PDGFD: variants seen among roughly 807,000 people sequenced by gnomAD.
PDGFD encodes the protein platelet derived growth factor D.
In PDGFD, 30 loss-of-function variants were observed where a neutral mutation model predicts 44.7. The observed-to-expected ratio is 0.67, with a 90% confidence interval of 0.50 to 0.91. PDGFD has a LOEUF of 0.91. Ranked by LOEUF, PDGFD falls within the 40% of genes least tolerant of loss-of-function variation. PDGFD has a pLI of 0.00. For synonymous variants in PDGFD, 173 were observed against 168.4 expected (o/e 1.03, Z -0.21); for missense variants, 445 against 457.8 (o/e 0.97, Z 0.25).
rs11382574 is a variant in PDGFD at position 103,991,145 on chromosome 11, G to GAA, written c.510+4918_510+4919dup. 3.5e-5 allele frequency among the ~76,000 whole-genome samples: 5 copies of GAA among 142,138 alleles called. 1 individual carries two copies. Among genetic ancestry groups the GAA allele is most frequent in the African/African-American group, 1.3e-4 (5 of 39,376 alleles). 93.2% of individuals were successfully genotyped at this position (142,138 alleles called of 152,430 possible). The stretch of plus-strand genomic sequence containing the variant: ...CAGAAAGAGACTCCAACTCAAAAAA[G>GAA]AAAAAAAAAAAAATTCAGCTTAGGA... On this transcript the variant is annotated intron_variant, in intron 3 of 6. Transcript: ENST00000393158.
intron 6 of PDGFD, 92 bp downstream of exon 6, chr11:103,926,820 C>T: frequency 7.6e-7 from 1 of 1,323,576 alleles, no homozygotes; most frequent in Non-Finnish European, 1.0e-6. Flanking sequence ...TGCCCTTGTG[C>T]AGTGAACAAC....
At chr11:104,057,466 C>G (rs1437562215) in intron 1 of PDGFD, among the ~76,000 whole-genome samples, 1 of 143,120 alleles carries the variant, frequency 7.0e-6, no homozygotes, top group Non-Finnish European at 1.5e-5. Flanking sequence ...GAAGTGGGAG[C>G]TAAACACTGG....
chr11:104,137,771 G>A (rs1018895885), intron 1 of PDGFD, among the ~76,000 whole-genome samples: 1 of 120,076 alleles, frequency 8.3e-6, no homozygotes, highest in Non-Finnish European at 1.6e-5. Flanking sequence ...TAACCTACTG[G>A]ATATCTGGAT....
At chr11:104,049,660 G>A (rs1438260535) in intron 1 of PDGFD, among the ~76,000 whole-genome samples, 1 of 152,014 alleles carries the variant, frequency 6.6e-6, no homozygotes, top group Non-Finnish European at 1.5e-5. Context: ...CTACAAAGAA[G>A]CCCAAGAAAG....
At chr11:104,076,186 T>C (rs933291710) in intron 1 of PDGFD, among the ~76,000 whole-genome samples, 10 of 152,142 alleles carry the variant, frequency 6.6e-5, no homozygotes, top group African/African-American at 2.2e-4. Context: ...CATTCCACCA[T>C]GATTATGTTT....
At chr11:104,082,416 GA>G (rs1448245063) in intron 1 of PDGFD, among the ~76,000 whole-genome samples, 3 of 151,956 alleles carry the variant, frequency 2.0e-5, no homozygotes, top group East Asian at 3.9e-4. Flanking sequence ...CTACAAGAAA[GA>G]TACCATTTTC....
At chr11:103,969,479 T>G (rs1859069889) in intron 3 of PDGFD, among the ~76,000 whole-genome samples, 1 of 147,274 alleles carries the variant, frequency 6.8e-6, no homozygotes, top group Admixed American at 6.8e-5. Context: ...GCCTGGTTTT[T>G]TTTTTTTTTT....
chr11:103,941,276 C>T (rs1220783105), intron 5 of PDGFD, among the ~76,000 whole-genome samples: 1 of 151,964 alleles, frequency 6.6e-6, no homozygotes, highest in Non-Finnish European at 1.5e-5. Flanking sequence ...GAGTGGAGAA[C>T]CATAGGAGGT....
rs1448562815 is a variant in PDGFD at position 103,947,619 on chromosome 11, C to T, written c.573+43G>A. The T allele has an allele frequency of 2.0e-6, 3 of 1,510,208 alleles. No individual in the cohort carries two copies. The African/African-American group carries it at 4.1e-5, about 21-fold the overall frequency. 93.6% of individuals were successfully genotyped at this position (1,510,208 alleles called of 1,614,324 possible). A position where few individuals can be genotyped will look rare whatever the true frequency, so the allele number is the denominator to read the frequency against. ...CCTTTTGGGGTTGACCTTAGCTGTT[C>T]CATCCGTTTCTTTTGCTGGCAACAG... On this transcript the variant is annotated intron_variant, in intron 4 of 6. Transcript: ENST00000393158.
chr11:103,955,199 A>C (rs1401649879), intron 3 of PDGFD, among the ~76,000 whole-genome samples: 7 of 132,842 alleles, frequency 5.3e-5, no homozygotes, highest in African/African-American at 2.1e-4. Flanking sequence ...AAAAAAAAAA[A>C]AAAAAAAAAA....
intron 1 of PDGFD, among the ~76,000 whole-genome samples, chr11:104,156,363 G>GATAAA (rs925754392): frequency 1.3e-5 from 2 of 151,788 alleles, no homozygotes; most frequent in Admixed American, 6.6e-5. Flanking sequence ...TCAAAAAATA[G>GATAAA]ATAAAATAAA....
intron 3 of PDGFD, among the ~76,000 whole-genome samples, chr11:103,975,348 T>C (rs1859168204): frequency 6.6e-6 from 1 of 152,188 alleles, no homozygotes; most frequent in South Asian, 2.1e-4. Context: ...TTTGTTTTTT[T>C]CCTTGTAAAT....
At chr11:104,056,703 A>G (rs111343579) in intron 1 of PDGFD, among the ~76,000 whole-genome samples, 17 of 152,366 alleles carry the variant, frequency 1.1e-4, no homozygotes, top group African/African-American at 3.8e-4. Context: ...CAAAAATTAC[A>G]TTTTAAGACA....
Position 103,989,775 on chromosome 11 carries a change from G to T in PDGFD, c.510+6290C>A, listed in dbSNP as rs149638369. ...TGAAGTCCCATTATAATATTGTTTG[G>T]CTCTTTCTAGTCATGCATGTGTTTC... On this transcript the variant is annotated intron_variant, in intron 3 of 6. Coordinates refer to ENST00000393158, the MANE Select transcript of PDGFD (RefSeq NM_025208.5). Among the ~76,000 whole-genome samples, 478 of 152,152 alleles carry T rather than the reference G, an allele frequency of 3.1e-3. 2 individuals carry two copies. The highest frequency in any genetic ancestry group is 0.011 in the African/African-American group (453 of 41,498).
intron 1 of PDGFD, among the ~76,000 whole-genome samples, chr11:104,061,453 C>A (rs1860716245): frequency 6.6e-6 from 1 of 151,808 alleles, no homozygotes; most frequent in Non-Finnish European, 1.5e-5. Context: ...AGGGAGCGGG[C>A]AAAAAAGACT....
intron 1 of PDGFD, among the ~76,000 whole-genome samples, chr11:104,059,781 T>C (rs757396053): frequency 7.2e-5 from 11 of 152,224 alleles, no homozygotes; most frequent in Non-Finnish European, 1.5e-4. Flanking sequence ...GTTTCCAAGA[T>C]AGTACCCCTC....
chr11:103,983,498 C>T (rs1565302352), intron 3 of PDGFD, among the ~76,000 whole-genome samples: 1 of 151,908 alleles, frequency 6.6e-6, no homozygotes, highest in East Asian at 1.9e-4. Flanking sequence ...CCATTCAGGA[C>T]ATGGGCATGG....
At chr11:103,964,544 T>C (rs973252696) in intron 3 of PDGFD, among the ~76,000 whole-genome samples, 11 of 152,142 alleles carry the variant, frequency 7.2e-5, no homozygotes, top group Non-Finnish European at 1.6e-4. Context: ...CAGGTCCTTT[T>C]CTTGGTCACA....
intron 1 of PDGFD, among the ~76,000 whole-genome samples, chr11:104,044,395 A>G (rs905145488): frequency 6.6e-6 from 1 of 152,204 alleles, no homozygotes; most frequent in Non-Finnish European, 1.5e-5. Flanking sequence ...GATAACATAC[A>G]TGAATAAATG....
Sources: allele counts gnomAD v4.1 joint callset (sites outside exome capture counted in the v4.1 genomes callset), GRCh38; gene constraint gnomAD v4.1.1; transcripts MANE v1.5; gene names NCBI Gene and HGNC (gene_info 2026-07-23, HGNC 2026-07-21).